NECAB1: variants seen among roughly 807,000 people sequenced by gnomAD.
NECAB1 encodes N-terminal EF-hand calcium-binding protein 1.
NECAB1 carries 29 observed loss-of-function variants against 57.5 expected under a neutral mutation model. The observed-to-expected ratio is 0.50, with a 90% CI of 0.38 to 0.69. NECAB1 has a LOEUF of 0.69. NECAB1 is among the 30% of genes least tolerant of loss of function. The pLI is 0.00. For missense variants in NECAB1, 372 were observed against 413.8 expected, an observed-to-expected ratio of 0.90 and a Z score of 0.88; for synonymous variants, 142 against 147.7, an observed-to-expected ratio of 0.96 and a Z score of 0.28.
At chr8:90,901,251 A>T (rs1221071775) in intron 5 of NECAB1, among the ~76,000 whole-genome samples, 1 of 151,216 alleles carries the variant, frequency 6.6e-6, no homozygotes, top group East Asian at 1.9e-4. Context: ...AAAAAAAAAA[A>T]TGGTGTTTAT....
intron 5 of NECAB1, among the ~76,000 whole-genome samples, chr8:90,905,286 G>A (rs750230597): frequency 6.6e-6 from 1 of 152,196 alleles, no homozygotes; most frequent in Non-Finnish European, 1.5e-5. Flanking sequence ...GTCCAATATA[G>A]CTATGAAGAA....
intron 10 of NECAB1, 36 bp from the exon 11 acceptor site, chr8:90,949,771 C>A: frequency 2.4e-6 from 3 of 1,254,392 alleles, no homozygotes; most frequent in Non-Finnish European, 3.4e-6. Context: ...TCTTTAATTT[C>A]CAGTAGCTAA....
At chr8:90,893,365 C>T (rs577960932) in intron 5 of NECAB1, among the ~76,000 whole-genome samples, 1 of 152,270 alleles carries the variant, frequency 6.6e-6, no homozygotes, top group East Asian at 1.9e-4. Context: ...CTCACTGTAT[C>T]ACCGACAGCT....
intron 5 of NECAB1, among the ~76,000 whole-genome samples, chr8:90,882,912 G>A (rs969238908): frequency 6.6e-6 from 1 of 151,992 alleles, no homozygotes; most frequent in Admixed American, 6.6e-5. Context: ...TTAATTGATT[G>A]GTTAAATGAA....
intron 10 of NECAB1, among the ~76,000 whole-genome samples, chr8:90,941,519 A>G (rs1434189503): frequency 6.6e-6 from 1 of 152,230 alleles, no homozygotes; most frequent in African/African-American, 2.4e-5. Flanking sequence ...GGTTCAATAA[A>G]TAGTTACTAT....
intron 3 of NECAB1, among the ~76,000 whole-genome samples, chr8:90,864,806 A>G (rs908976481): frequency 6.6e-6 from 1 of 152,066 alleles, no homozygotes; most frequent in Non-Finnish European, 1.5e-5. Context: ...GGCTTATGTC[A>G]TCTTACCTTA....
chr8:90,916,345 T>C (rs1809951372), intron 5 of NECAB1, among the ~76,000 whole-genome samples: 1 of 152,184 alleles, frequency 6.6e-6, no homozygotes. Context: ...CAGAATATTT[T>C]TGAGTTGGAA....
In NECAB1 at chr8:90,855,797, G is replaced by T. The variant is rs188300416; in HGVS notation, c.234-16331G>T. ...AACTTGTCTGATGAGTGGGTGGTCA[G>T]TTGTGGTCACAGTTGGTCTTCAGCC... On this transcript the variant is annotated intron_variant, in intron 3 of 12. Transcript: ENST00000417640. Among the ~76,000 whole-genome samples, 3 of 152,288 alleles carry T rather than the reference G, an allele frequency of 2.0e-5. No homozygotes were observed. In the East Asian group the frequency reaches 5.8e-4, roughly 29 times the overall value.
chr8:90,858,817 C>T (rs1056054077), intron 3 of NECAB1, among the ~76,000 whole-genome samples: 1 of 152,122 alleles, frequency 6.6e-6, no homozygotes, highest in African/African-American at 2.4e-5. Context: ...TAGATCAAAT[C>T]CTGTGTTCCC....
intron 1 of NECAB1, 129 bp downstream of exon 1, chr8:90,792,114 G>A: frequency 1.4e-6 from 1 of 700,978 alleles, no homozygotes; most frequent in South Asian, 1.8e-5. Context: ...AACTACCGAT[G>A]CAAATGCAGG....
Position 90,957,771 on chromosome 8 carries a change from G to C in NECAB1, c.*2259G>C, listed in dbSNP as rs749804562. 6.7e-6 allele frequency: 1 copy of C among 149,558 alleles called. No homozygotes were observed. Among genetic ancestry groups the C allele is most frequent in the African/African-American group, 2.4e-5 (1 of 41,006 alleles). The allele number at this position is 149,558 out of a possible 1,614,324, so 9.3% of individuals were successfully genotyped here. A position where few individuals can be genotyped will look rare whatever the true frequency, so the allele number is the denominator to read the frequency against. On this transcript the variant is annotated 3_prime_UTR_variant, in exon 13 of 13. Transcript: ENST00000417640. The stretch of plus-strand genomic sequence containing the variant: ...TCCTAAAGTAAACAATAAGTTTATA[G>C]TTAACGAAGATTTTTTTCTATTTAA...
At chr8:90,942,309 A>G (rs1311092833) in intron 10 of NECAB1, among the ~76,000 whole-genome samples, 1 of 151,956 alleles carries the variant, frequency 6.6e-6, no homozygotes, top group East Asian at 1.9e-4. Flanking sequence ...TGCGTTTACT[A>G]CTGTTTCCTG....
At chr8:90,823,664 A>G (rs981208644) in intron 2 of NECAB1, among the ~76,000 whole-genome samples, 1 of 151,826 alleles carries the variant, frequency 6.6e-6, no homozygotes, top group African/African-American at 2.4e-5. Context: ...ACTCAAAGAC[A>G]AATTCCACTT....
At chr8:90,869,258 A>G (rs1318261209) in intron 3 of NECAB1, among the ~76,000 whole-genome samples, 1 of 152,220 alleles carries the variant, frequency 6.6e-6, no homozygotes, top group Non-Finnish European at 1.5e-5. Flanking sequence ...GAGAATCTCT[A>G]CTAGGGCAGA....
At chr8:90,939,885 C>G (rs949780854) in intron 9 of NECAB1, among the ~76,000 whole-genome samples, 1 of 152,192 alleles carries the variant, frequency 6.6e-6, no homozygotes, top group Non-Finnish European at 1.5e-5. Context: ...TGCTACATAG[C>G]TGGTATTACT....
chr8:90,907,149 TGTGAGAGA>T (rs1482436781), intron 5 of NECAB1, among the ~76,000 whole-genome samples: 4 of 107,192 alleles, frequency 3.7e-5, no homozygotes, highest in Non-Finnish European at 7.2e-5. Context: ...TGTGTGTGTG[TGTGAGAGA>T]GAGAGAGAGA....
Position 90,872,170 on chromosome 8 carries a change from G to T in NECAB1, c.259+17G>T. On this transcript the variant is annotated intron_variant, in intron 4 of 12. Coordinates refer to ENST00000417640, the MANE Select transcript of NECAB1 (RefSeq NM_022351.5). The stretch of plus-strand genomic sequence containing the variant: ...AGCTATGTGGTAAGTGTTTCTTTAA[G>T]ATCAGTCAAACCTATTACTTGCTTA... 1 of 1,539,622 alleles carries T rather than the reference G, an allele frequency of 6.5e-7. No individual in the cohort carries two copies. The highest frequency in any genetic ancestry group is 8.8e-7 in the Non-Finnish European group (1 of 1,138,528).
At chr8:90,855,046 C>T (rs1412817514) in intron 3 of NECAB1, among the ~76,000 whole-genome samples, 2 of 152,172 alleles carry the variant, frequency 1.3e-5, no homozygotes, top group Non-Finnish European at 2.9e-5. Context: ...CATCTATATG[C>T]CCAAGGCCTA....
At chr8:90,805,289 T>C (rs1250523439) in intron 2 of NECAB1, among the ~76,000 whole-genome samples, 1 of 152,188 alleles carries the variant, frequency 6.6e-6, no homozygotes. Context: ...CCTCATGTGA[T>C]AGAGTCCCTT....
Sources: gnomAD v4.1 joint callset for allele counts (sites outside exome capture counted in the v4.1 genomes callset) on GRCh38, gnomAD v4.1.1 for gene constraint, MANE v1.5 for transcripts, NCBI Gene and HGNC (gene_info 2026-07-23, HGNC 2026-07-21) for gene names.